SLX9: variants seen among roughly 807,000 people sequenced by gnomAD.
SLX9 encodes the protein ribosome biogenesis protein SLX9 homolog.
SLX9 carries 19 observed loss-of-function variants against 20.8 expected under a neutral mutation model. The ratio of observed to expected loss-of-function variants is 0.91; its 90% confidence interval spans 0.64 to 1.34. The LOEUF is 1.34. Among genes scored for constraint, SLX9 ranks in the 40% most tolerant of loss-of-function variants. The pLI is 0.00. For synonymous variants in SLX9, 113 were observed against 137.1 expected (o/e 0.82, Z 1.23); for missense variants, 299 against 322.2 (o/e 0.93, Z 0.55).
chr21:44,942,154 G>A (rs775884551), intron 1 of SLX9, among the ~76,000 whole-genome samples: 1 of 152,158 alleles, frequency 6.6e-6, no homozygotes, highest in Non-Finnish European at 1.5e-5. Flanking sequence ...AATGTCCCAG[G>A]TACAGTGGGA....
chr21:44,952,928 T>C (rs984008279), intron 2 of SLX9, among the ~76,000 whole-genome samples: 9 of 152,120 alleles, frequency 5.9e-5, no homozygotes, highest in African/African-American at 2.2e-4. Flanking sequence ...GGCAGCTGAG[T>C]GTTTTCAAAT....
At chr21:44,954,507 G>T (rs1031610115) in intron 2 of SLX9, among the ~76,000 whole-genome samples, 4 of 152,162 alleles carry the variant, frequency 2.6e-5, no homozygotes, top group Non-Finnish European at 5.9e-5. Context: ...CTGTGGTTTT[G>T]AATGTCCACC....
intron 4 of SLX9, 24 bp downstream of exon 4, chr21:44,967,205 C>T (rs2085053950): frequency 6.5e-7 from 1 of 1,544,114 alleles, no homozygotes; most frequent in Non-Finnish European, 8.7e-7. Context: ...AGGGGTGGCC[C>T]TTTCCGAGCT....
intron 5 of SLX9, among the ~76,000 whole-genome samples, chr21:44,975,841 CTG>C (rs917915115): frequency 6.6e-6 from 1 of 152,288 alleles, no homozygotes; most frequent in African/African-American, 2.4e-5. Context: ...CCACTGTCCT[CTG>C]TGGCTCTGGT....
intron 1 of SLX9, among the ~76,000 whole-genome samples, chr21:44,941,742 G>A (rs1434192268): frequency 6.6e-6 from 1 of 152,156 alleles, no homozygotes; most frequent in Non-Finnish European, 1.5e-5. Context: ...AGACTGCCAG[G>A]GATGCGACCT....
intron 2 of SLX9, among the ~76,000 whole-genome samples, chr21:44,944,643 A>G (rs1313549853): frequency 1.3e-5 from 2 of 152,196 alleles, no homozygotes; most frequent in African/African-American, 4.8e-5. Context: ...GGGAAGTCAT[A>G]GGTTGGGGAG....
chr21:44,966,980 C>G, intron 3 of SLX9, 54 bp from the exon 4 acceptor site: 1 of 1,560,328 alleles, frequency 6.4e-7, no homozygotes, highest in Non-Finnish European at 8.7e-7. Context: ...GGCTCTGGGC[C>G]TGGGCTCCTC....
intron 4 of SLX9, among the ~76,000 whole-genome samples, chr21:44,968,091 G>T (rs2085072343): frequency 2.0e-5 from 3 of 151,836 alleles, no homozygotes; most frequent in Non-Finnish European, 4.4e-5. Context: ...CCCCAGTGGG[G>T]CCCCTCCACC....
chr21:44,967,387 G>A (rs1037711123), intron 4 of SLX9, among the ~76,000 whole-genome samples: 2 of 152,142 alleles, frequency 1.3e-5, no homozygotes, highest in African/African-American at 4.8e-5. Flanking sequence ...GGGACGTTTC[G>A]GGGGCACCCA....
At chr21:44,962,309 AC>A (rs1040057802) in intron 3 of SLX9, among the ~76,000 whole-genome samples, 1 of 151,664 alleles carries the variant, frequency 6.6e-6, no homozygotes. Context: ...ACAGTCACGC[AC>A]CCCCCCAGTC....
intron 1 of SLX9, among the ~76,000 whole-genome samples, chr21:44,941,095 TA>T (rs1303517823): frequency 0.025 from 3,737 of 152,302 alleles, 167 homozygotes; most frequent in African/African-American, 0.086. Flanking sequence ...CTCCTCATTT[TA>T]AAAAATACTC....
intron 3 of SLX9, among the ~76,000 whole-genome samples, chr21:44,965,552 C>T (rs1203151982): frequency 6.6e-6 from 1 of 152,204 alleles, no homozygotes; most frequent in African/African-American, 2.4e-5. Context: ...TTTTCTCATG[C>T]GTGGGCAGTG....
intron 1 of SLX9, among the ~76,000 whole-genome samples, chr21:44,940,672 A>ATTTTT (rs34771024): frequency 2.4e-4 from 35 of 146,168 alleles, no homozygotes; most frequent in African/African-American, 8.3e-4. Flanking sequence ...TGCTTTCAGG[A>ATTTTT]TTTTTTTTTT....
chr21:44,940,296 T>C, intron 1 of SLX9, 110 bp downstream of exon 1: 1 of 1,177,600 alleles, frequency 8.5e-7, no homozygotes, highest in Non-Finnish European at 1.1e-6. Flanking sequence ...CCTCGGGCTC[T>C]GCGGGCATTT....
At chr21:44,956,284 T>C (rs1411605214) in intron 2 of SLX9, among the ~76,000 whole-genome samples, 1 of 152,234 alleles carries the variant, frequency 6.6e-6, no homozygotes, top group Non-Finnish European at 1.5e-5. Flanking sequence ...TTCTGTGTCT[T>C]TTGTGGCCCC....
chr21:44,954,845 C>T (rs1344840997), intron 2 of SLX9, among the ~76,000 whole-genome samples: 1 of 152,150 alleles, frequency 6.6e-6, no homozygotes, highest in Non-Finnish European at 1.5e-5. Flanking sequence ...TTGACCAGGA[C>T]AATTTGTTAC....
At chr21:44,968,591 C>A (rs985151238) in intron 4 of SLX9, among the ~76,000 whole-genome samples, 4 of 152,210 alleles carry the variant, frequency 2.6e-5, no homozygotes, top group African/African-American at 9.6e-5. Flanking sequence ...CTCTGCCCTT[C>A]CCCTGTGGCT....
intron 5 of SLX9, among the ~76,000 whole-genome samples, chr21:44,974,181 G>T (rs922348256): frequency 2.0e-5 from 3 of 152,224 alleles, no homozygotes; most frequent in Non-Finnish European, 4.4e-5. Flanking sequence ...TTAGTTAGCT[G>T]CTGGGATGAT....
intron 2 of SLX9, among the ~76,000 whole-genome samples, chr21:44,953,107 G>A (rs894938582): frequency 7.9e-5 from 12 of 152,136 alleles, no homozygotes; most frequent in Admixed American, 7.9e-4. Flanking sequence ...TCCAGACCCC[G>A]CCTGGCAAGG....
Sources: allele counts gnomAD v4.1 joint callset (sites outside exome capture counted in the v4.1 genomes callset), GRCh38; gene constraint gnomAD v4.1.1; transcripts MANE v1.5; gene names NCBI Gene and HGNC (gene_info 2026-07-23, HGNC 2026-07-21).